The following DEPTOR variants were observed in gnomAD, a reference collection of about 807,000 sequenced individuals.
DEPTOR encodes DEP domain containing MTOR interacting protein.
DEPTOR carries 41 observed loss-of-function variants against 41.6 expected under a neutral mutation model. That is an observed-to-expected ratio of 0.98 (90% CI 0.77 to 1.28). DEPTOR has a LOEUF of 1.28. Ranked by LOEUF, DEPTOR falls within the 50% of genes most tolerant of loss-of-function variation. The pLI, the probability that DEPTOR is intolerant of heterozygous loss-of-function variation, is 0.00. For synonymous variants in DEPTOR, 195 were observed against 192.3 expected, an observed-to-expected ratio of 1.01 and a Z score of -0.12; for missense variants, 514 against 527.9, an observed-to-expected ratio of 0.97 and a Z score of 0.26.
At position 119,885,585 on chromosome 8, in the gene DEPTOR, A is replaced by G. The variant is rs144511317; in HGVS notation, c.122+11617A>G. ...GAGAGGATTAGCAGGCCTTGACGCCATGATAAGGAACATTTTTTTCTCTTG... is the reference window on the plus strand; with the variant it reads ...GAGAGGATTAGCAGGCCTTGACGCCGTGATAAGGAACATTTTTTTCTCTTG... On this transcript the variant is annotated intron_variant, in intron 1 of 8. Coordinates refer to ENST00000286234, the MANE Select transcript of DEPTOR (RefSeq NM_022783.4). 7.4e-3 allele frequency among the ~76,000 whole-genome samples: 1,133 copies of G among 152,320 alleles called. 10 individuals are homozygous for G. Among genetic ancestry groups the G allele is most frequent in the African/African-American group, 0.025 (1,035 of 41,574 alleles).
rs1233462891 is a variant in DEPTOR, at chr8:120,049,917, G to A, written c.*213G>A. 1 of 444,680 alleles carries A rather than the reference G, an allele frequency of 2.2e-6. No homozygotes were observed. The highest frequency in any genetic ancestry group is 3.7e-6 in the Non-Finnish European group (1 of 269,408). The allele number at this position is 444,680 out of a possible 1,614,324, so 27.5% of individuals were successfully genotyped here. A position where few individuals can be genotyped will look rare whatever the true frequency, so the allele number is the denominator to read the frequency against. ...AAAAATGTCAGTGTAGAAAACATTT[G>A]GGAAACCATTTTCCTACATGATAGA... is the stretch of plus-strand genomic sequence containing the variant. On this transcript the variant is annotated 3_prime_UTR_variant, in exon 9 of 9. Transcript: ENST00000286234.
intron 8 of DEPTOR, among the ~76,000 whole-genome samples, chr8:120,045,161 T>A (rs529759561): frequency 6.6e-6 from 1 of 152,296 alleles, no homozygotes; most frequent in African/African-American, 2.4e-5. Flanking sequence ...GTGCTTGCTC[T>A]GACCCCACTC....
chr8:120,020,460 C>T (rs902045932), intron 8 of DEPTOR, among the ~76,000 whole-genome samples: 2 of 152,144 alleles, frequency 1.3e-5, no homozygotes. Context: ...ACTGCAGCCT[C>T]CACCTCCTGG....
intron 1 of DEPTOR, 137 bp downstream of exon 1, chr8:119,874,105 G>T: frequency 7.1e-7 from 1 of 1,406,986 alleles, no homozygotes; most frequent in Non-Finnish European, 9.6e-7. Context: ...GCGCGTGGAT[G>T]GTCCTCGGTG....
chr8:119,887,122 TCCCCTCCCCCCCC>T (rs1827375678), intron 1 of DEPTOR, among the ~76,000 whole-genome samples: 1 of 7,190 alleles, frequency 1.4e-4, no homozygotes, highest in African/African-American at 6.0e-4. Context: ...CCCCTCCCCC[TCCCCTCCCCCCCC>T]CCTCCCCTCC....
At chr8:119,918,934 A>AGTGTGTGT (rs139535526) in intron 1 of DEPTOR, among the ~76,000 whole-genome samples, 8 of 115,264 alleles carry the variant, frequency 6.9e-5, no homozygotes, top group African/African-American at 2.4e-4. Flanking sequence ...CTATTTGCAT[A>AGTGTGTGT]GTGAGTGTGT....
At chr8:119,900,147 C>T (rs998918996) in intron 1 of DEPTOR, among the ~76,000 whole-genome samples, 13 of 151,532 alleles carry the variant, frequency 8.6e-5, no homozygotes, top group East Asian at 5.8e-4. Context: ...GGTAAAACCC[C>T]GTCTTTACTA....
chr8:119,995,598 A>G (rs1680160222), intron 4 of DEPTOR, among the ~76,000 whole-genome samples: 1 of 151,992 alleles, frequency 6.6e-6, no homozygotes, highest in Admixed American at 6.6e-5. Context: ...CAAAAAAAAA[A>G]AAAAGAAAAG....
Position 119,965,559 on chromosome 8 carries a change from A to C in DEPTOR, c.604+149A>C, listed in dbSNP as rs960113897. 5.1e-5 allele frequency: 50 copies of C among 978,562 alleles called. 1 individual carries two copies. The highest frequency in any genetic ancestry group is 3.6e-4 in the African/African-American group (22 of 61,094). The allele number at this position is 978,562 out of a possible 1,614,324, so 60.6% of individuals were successfully genotyped here. A position where few individuals can be genotyped will look rare whatever the true frequency, so the allele number is the denominator to read the frequency against. On this transcript the variant is annotated intron_variant, in intron 4 of 8. Coordinates refer to ENST00000286234, the MANE Select transcript of DEPTOR (RefSeq NM_022783.4). ...TCAGCTTGTCTCCAAGTTGGGGGTC[A>C]AATTCAGGTCTGTGCTCCACGCCTT...
intron 1 of DEPTOR, among the ~76,000 whole-genome samples, chr8:119,904,994 G>T (rs1660100337): frequency 9.3e-6 from 1 of 107,602 alleles, no homozygotes; most frequent in African/African-American, 3.8e-5. Flanking sequence ...TTTTTGTAGA[G>T]ACAGAGTCTC....
At chr8:120,033,928 C>T (rs372489999) in intron 8 of DEPTOR, among the ~76,000 whole-genome samples, 2 of 152,052 alleles carry the variant, frequency 1.3e-5, no homozygotes, top group African/African-American at 4.8e-5. Context: ...AATGAAGGGG[C>T]GGGTGACTCA....
At chr8:119,907,760 C>CAG (rs1420609696) in intron 1 of DEPTOR, among the ~76,000 whole-genome samples, 1 of 149,868 alleles carries the variant, frequency 6.7e-6, no homozygotes, top group East Asian at 2.0e-4. Context: ...GGCCTGGCAA[C>CAG]AGAGAGAGAC....
At chr8:119,987,409 T>C (rs1828842225) in intron 4 of DEPTOR, among the ~76,000 whole-genome samples, 1 of 152,174 alleles carries the variant, frequency 6.6e-6, no homozygotes, top group Admixed American at 6.5e-5. Flanking sequence ...AGAAGCTTTG[T>C]CCCAGAGGGG....
chr8:119,938,055 C>T (rs961819817), intron 3 of DEPTOR, among the ~76,000 whole-genome samples: 1 of 152,176 alleles, frequency 6.6e-6, no homozygotes, highest in African/African-American at 2.4e-5. Flanking sequence ...TAGTCTGGAA[C>T]AAAAGCTGTC....
chr8:119,898,387 T>A (rs1827546839), intron 1 of DEPTOR, among the ~76,000 whole-genome samples: 1 of 152,098 alleles, frequency 6.6e-6, no homozygotes. Context: ...ATAAATTGAT[T>A]TTGAAAGGTT....
rs1812446783 is a variant in DEPTOR at position 120,006,849 on chromosome 8, G to C, written c.970G>C (p.Ala324Pro). ...VTSEELLTPG[A>P]PYARKTFTIV... ...CTCTGAGGAACTCCTTACTCCCGGGGCTCCGTATGCAAGGAAGACATTCAC... is the reference window on the plus strand; with the variant it reads ...CTCTGAGGAACTCCTTACTCCCGGGCCTCCGTATGCAAGGAAGACATTCAC... The change falls in exon 7 of 9, where the codon GCT becomes CCT. Residue 324 changes from alanine to proline, a missense_variant. Coordinates refer to ENST00000286234, the MANE Select transcript of DEPTOR (RefSeq NM_022783.4). 6.2e-7 allele frequency: 1 copy of C among 1,614,002 alleles called. No individual in the cohort carries two copies. Among genetic ancestry groups the C allele is most frequent in the African/African-American group, 1.3e-5 (1 of 74,928 alleles).
intron 4 of DEPTOR, among the ~76,000 whole-genome samples, chr8:119,998,615 A>G (rs543340123): frequency 6.6e-6 from 1 of 152,306 alleles, no homozygotes; most frequent in East Asian, 1.9e-4. Context: ...GGCCTGATGT[A>G]CAACCTGCAC....
chr8:119,890,075 G>A (rs369867268), intron 1 of DEPTOR, among the ~76,000 whole-genome samples: 28 of 151,084 alleles, frequency 1.9e-4, no homozygotes, highest in African/African-American at 6.3e-4. Flanking sequence ...AGTGATTCTC[G>A]TGCCTCAGCC....
intron 4 of DEPTOR, among the ~76,000 whole-genome samples, chr8:119,999,784 A>T (rs888841422): frequency 2.0e-5 from 3 of 152,204 alleles, no homozygotes; most frequent in Admixed American, 6.5e-5. Context: ...CATTGTAGAG[A>T]TGGAGAGCAA....
Sources: allele counts gnomAD v4.1 joint callset (sites outside exome capture counted in the v4.1 genomes callset), GRCh38; gene constraint gnomAD v4.1.1; transcripts MANE v1.5; gene names NCBI Gene and HGNC (gene_info 2026-07-23, HGNC 2026-07-21).